KRIT1: variants seen among roughly 807,000 people sequenced by gnomAD.
The protein encoded by KRIT1 is KRIT1 ankyrin repeat containing.
KRIT1 carries 45 observed loss-of-function variants against 95.8 expected under a neutral mutation model. That is an observed-to-expected ratio of 0.47 (90% CI 0.37 to 0.60). The LOEUF is 0.60. KRIT1 is among the 20% of genes least tolerant of loss of function. The pLI is 0.00. For missense variants in KRIT1, 788 were observed against 877.5 expected, an observed-to-expected ratio of 0.90 and a Z score of 1.29; for synonymous variants, 282 against 278.8, an observed-to-expected ratio of 1.01 and a Z score of -0.11.
chr7:92,226,751 G>A (rs1796287574), intron 10 of KRIT1, 69 bp from the exon 11 acceptor site: 17 of 1,481,874 alleles, frequency 1.1e-5, no homozygotes, highest in Non-Finnish European at 1.5e-5. Flanking sequence ...CATCTGAAAT[G>A]TTTTTAAAAA....
intron 1 of KRIT1, 90 bp from the exon 2 acceptor site, chr7:92,245,261 C>A (rs1411685503): frequency 1.3e-5 from 2 of 152,130 alleles, no homozygotes; most frequent in Non-Finnish European, 2.9e-5. Flanking sequence ...CCTTTCCCTG[C>A]AATGACAAAA....
intron 17 of KRIT1, among the ~76,000 whole-genome samples, chr7:92,207,837 G>A (rs1475820977): frequency 1.3e-5 from 2 of 152,080 alleles, no homozygotes; most frequent in East Asian, 1.9e-4. Flanking sequence ...CAGCCTAGGC[G>A]ACAGAGCAGG....
chr7:92,231,871 A>G (rs1346557634), intron 10 of KRIT1, among the ~76,000 whole-genome samples: 3 of 152,226 alleles, frequency 2.0e-5, no homozygotes, highest in Non-Finnish European at 4.4e-5. Flanking sequence ...AAATGAAAAT[A>G]TTACAGATTA....
At chr7:92,222,381 T>C (rs1268773996) in intron 13 of KRIT1, among the ~76,000 whole-genome samples, 1 of 152,138 alleles carries the variant, frequency 6.6e-6, no homozygotes, top group Non-Finnish European at 1.5e-5. Flanking sequence ...ACCAATCACA[T>C]CGATCAAATT....
Position 92,236,556 on chromosome 7 carries a change from A to T in KRIT1, c.356-14T>A. On this transcript the variant is annotated splice_polypyrimidine_tract_variant and intron_variant, in intron 6 of 18. Coordinates refer to ENST00000394505, the MANE Select transcript of KRIT1 (RefSeq NM_194454.3). ...ATTTAGTATTATCTGAAAAAGAAAA[A>T]TGAAGAATTATGCTACCATATAAAA... 1 of 1,480,066 alleles carries T rather than the reference A, an allele frequency of 6.8e-7. No individual in the cohort carries two copies. The highest frequency in any genetic ancestry group is 9.4e-7 in the Non-Finnish European group (1 of 1,060,260). 91.7% of individuals were successfully genotyped at this position (1,480,066 alleles called of 1,614,324 possible).
chr7:92,245,929 G>A (rs979447052), upstream of KRIT1: 7 of 243,264 alleles, frequency 2.9e-5, no homozygotes, highest in African/African-American at 1.4e-4. Context: ...TCGCTTCCGG[G>A]TTCACACCCT....
chr7:92,230,143 ATTAT>A (rs1477216402), intron 10 of KRIT1, among the ~76,000 whole-genome samples: 5 of 152,132 alleles, frequency 3.3e-5, no homozygotes, highest in Admixed American at 1.3e-4. Flanking sequence ...TTCTTATATA[ATTAT>A]TTAATATAAT....
chr7:92,200,899 G>A, intron 18 of KRIT1, 95 bp from the exon 19 acceptor site: 2 of 856,780 alleles, frequency 2.3e-6, no homozygotes, highest in South Asian at 1.4e-5. Context: ...TATTTGAAAG[G>A]GAACTTTCTT....
At chr7:92,208,681 CA>C (rs1792101380) in intron 17 of KRIT1, among the ~76,000 whole-genome samples, 1 of 152,034 alleles carries the variant, frequency 6.6e-6, no homozygotes, top group Non-Finnish European at 1.5e-5. Flanking sequence ...AAAACCTCAA[CA>C]GATAAATTCT....
intron 5 of KRIT1, among the ~76,000 whole-genome samples, chr7:92,240,428 G>A (rs1342157880): frequency 6.6e-5 from 10 of 152,110 alleles, no homozygotes; most frequent in Admixed American, 6.5e-4. Flanking sequence ...CTGAATCTTG[G>A]ATATAGTTTG....
chr7:92,232,644 A>G (rs1165060464), intron 10 of KRIT1, among the ~76,000 whole-genome samples: 1 of 152,048 alleles, frequency 6.6e-6, no homozygotes, highest in Non-Finnish European at 1.5e-5. Flanking sequence ...TGGAATCTGA[A>G]CTATATTCTC....
Position 92,237,673 on chromosome 7 carries a change from C to T in KRIT1, c.349G>A (p.Val117Ile). 6.3e-7 allele frequency: 1 copy of T among 1,587,522 alleles called. No homozygotes were observed. The highest frequency in any genetic ancestry group is 1.1e-5 in the South Asian group (1 of 90,460). ...EASLFIVPSV[V>I]KDNTKYTYTP... is the part of the protein sequence containing the mutation. ...AGATACATTTAGACTTTACCTTTGACAACTGATGGAACAATAAATAATGAT... is the reference window on the plus strand; with the variant it reads ...AGATACATTTAGACTTTACCTTTGATAACTGATGGAACAATAAATAATGAT... Residue 117 changes from valine (V) to isoleucine (I), a missense_variant, in exon 6 of 19, where the codon GTC (valine) becomes ATC (isoleucine). Coordinates refer to ENST00000394505, the MANE Select transcript of KRIT1 (RefSeq NM_194454.3).
Position 92,241,976 on chromosome 7 carries a change from AATG to A in KRIT1, c.102+55_102+57del, listed in dbSNP as rs534195214. ...AAGATATAATAAGGCTTTATATGTG[AATG>A]ATAATACAGAATGACATTCAATGGT... On this transcript the variant is annotated intron_variant, in intron 4 of 18. Coordinates refer to ENST00000394505, the MANE Select transcript of KRIT1 (RefSeq NM_194454.3). 71 of 930,194 alleles carry A rather than the reference AATG, an allele frequency of 7.6e-5. 1 individual carries two copies. In the African/African-American group the frequency reaches 9.7e-4, roughly 13 times the overall value. 57.6% of individuals were successfully genotyped at this position (930,194 alleles called of 1,614,324 possible).
In KRIT1 at chr7:92,199,784, G is replaced by C. The variant is rs375431250; in HGVS notation, c.*952C>G. The C allele has an allele frequency of 2.6e-5, 4 of 152,240 alleles. 1 individual carries two copies. The allele number at this position is 152,240 out of a possible 1,614,324, so 9.4% of individuals were successfully genotyped here. A position where few individuals can be genotyped will look rare whatever the true frequency, so the allele number is the denominator to read the frequency against. On this transcript the variant is annotated 3_prime_UTR_variant, in exon 19 of 19. Coordinates refer to ENST00000394505, the MANE Select transcript of KRIT1 (RefSeq NM_194454.3). ...AAAGAAAAAACAAAACCAAATTTAA[G>C]TTCACAAGGCCATGCTACTTCCAGA...
Position 92,235,637 on chromosome 7 carries a change from A to G in KRIT1, c.495T>C (p.Asp165=), listed in dbSNP as rs780013006. Residue 165 remains aspartate, a synonymous_variant, in exon 8 of 19, where the codon GAT becomes GAC. Transcript: ENST00000394505. ...RMLIALDKWL[D]ERHAQSHFIP... ...TAAAGTGAGATTGTGCATGACGTTC[A>G]TCTAACCACCTGGCAAAATAAAAAA... 1 of 1,613,884 alleles carries G rather than the reference A, an allele frequency of 6.2e-7. No individual in the cohort carries two copies. Among genetic ancestry groups the G allele is most frequent in the Non-Finnish European group, 8.5e-7 (1 of 1,179,940 alleles).
At chr7:92,231,987 G>A (rs1178684912) in intron 10 of KRIT1, among the ~76,000 whole-genome samples, 3 of 151,660 alleles carry the variant, frequency 2.0e-5, no homozygotes, top group Non-Finnish European at 2.9e-5. Flanking sequence ...GCTGGAGTGC[G>A]GTGGTGGGAT....
At chr7:92,204,831 G>A (rs1791042941) in intron 17 of KRIT1, among the ~76,000 whole-genome samples, 1 of 152,018 alleles carries the variant, frequency 6.6e-6, no homozygotes, top group South Asian at 2.1e-4. Flanking sequence ...CATGGCCTGG[G>A]TGTTGGGGAC....
In KRIT1 at chr7:92,234,879, T is replaced by A. The variant is rs369080774; in HGVS notation, c.774A>T (p.Pro258=). 4 of 1,606,844 alleles carry A rather than the reference T, an allele frequency of 2.5e-6. No homozygotes were observed. ...TAGGTATTTGGATTTTTGAGTAGTC[T>A]GGAGCTCCTAGACCAAAGTATGGAT... is the stretch of plus-strand genomic sequence containing the variant. ...VINPYFGLGA[P]DYSKIQIPKQ... is the part of the protein sequence containing the mutation. Residue 258 remains proline (P), a synonymous_variant, in exon 9 of 19, where the codon CCA becomes CCT. Transcript: ENST00000394505.
intron 5 of KRIT1, among the ~76,000 whole-genome samples, chr7:92,239,112 TTTC>T (rs1799030986): frequency 6.6e-6 from 1 of 152,234 alleles, no homozygotes; most frequent in Admixed American, 6.5e-5. Context: ...TCAACTTTAA[TTTC>T]TTGTTAAAAG....
Sources: allele counts gnomAD v4.1 joint callset (sites outside exome capture counted in the v4.1 genomes callset), GRCh38; gene constraint gnomAD v4.1.1; transcripts MANE v1.5; gene names NCBI Gene and HGNC (gene_info 2026-07-23, HGNC 2026-07-21).